NTNG2: variants seen among roughly 807,000 people sequenced by gnomAD.
The protein encoded by NTNG2 is netrin G2.
Under a neutral mutation model 47.6 loss-of-function variants are expected in NTNG2, and 15 were observed. That is an observed-to-expected ratio of 0.32 (90% CI 0.21 to 0.49). NTNG2 has a LOEUF of 0.49. Ranked by LOEUF, NTNG2 falls within the 20% of genes least tolerant of loss-of-function variation. NTNG2 has a pLI of 0.99. For missense variants in NTNG2, 578 were observed against 764.6 expected (o/e 0.76, Z 2.88); for synonymous variants, 307 against 324.6 (o/e 0.95, Z 0.58).
Position 132,198,392 on chromosome 9 carries a change from G to T in NTNG2, c.640G>T (p.Glu214Ter). The T allele has an allele frequency of 6.2e-7, 1 of 1,613,040 alleles. No homozygotes were observed. The highest frequency in any genetic ancestry group is 8.5e-7 in the Non-Finnish European group (1 of 1,179,972). The change falls in exon 3 of 8, where the codon GAG (glutamate) becomes TAG (stop). Residue 214 changes from glutamate (E) to a stop codon, truncating the protein, a stop_gained. Coordinates refer to ENST00000393229, the MANE Select transcript of NTNG2 (RefSeq NM_032536.4). LOFTEE classifies it high-confidence loss of function. ...CAAGAAGGAGAAGCACGTGCGCTTC[G>T]AGGTGCGGGACCGCTTCGCCATCTT... The part of the protein sequence containing the change: ...GSKKEKHVRF[E>*]VRDRFAIFAG...
chr9:132,168,395 G>A (rs1835651621), intron 2 of NTNG2, among the ~76,000 whole-genome samples: 1 of 152,168 alleles, frequency 6.6e-6, no homozygotes, highest in African/African-American at 2.4e-5. Context: ...CTGACCCGGT[G>A]CCCCCACCTC....
chr9:132,203,097 C>A (rs1838908479), intron 3 of NTNG2, among the ~76,000 whole-genome samples: 2 of 152,072 alleles, frequency 1.3e-5, no homozygotes, highest in African/African-American at 4.8e-5. Context: ...CCTGCACCCA[C>A]CCCAGGTACT....
Position 132,242,120 on chromosome 9 carries a change from C to A in NTNG2, c.*9C>A. ...CCCGCCTGGGCCGCTGAGCCCCGCC[C>A]GGAGGACGCTCCCCGCACCCGGAGG... On this transcript the variant is annotated 3_prime_UTR_variant, in exon 8 of 8. Coordinates refer to ENST00000393229, the MANE Select transcript of NTNG2 (RefSeq NM_032536.4). The surrounding 1 kb of genome is among the most constrained non-coding windows in gnomAD (Gnocchi z 5.9). 1 of 1,117,060 alleles carries A rather than the reference C, an allele frequency of 9.0e-7. No individual in the cohort carries two copies. Among genetic ancestry groups the A allele is most frequent in the Non-Finnish European group, 1.1e-6 (1 of 914,432 alleles). The allele number at this position is 1,117,060 out of a possible 1,614,324, so 69.2% of individuals were successfully genotyped here.
intron 2 of NTNG2, among the ~76,000 whole-genome samples, chr9:132,190,933 A>C (rs1013622338): frequency 6.6e-6 from 1 of 151,996 alleles, no homozygotes; most frequent in African/African-American, 2.4e-5. Flanking sequence ...TGACTTGCCT[A>C]TGTGTGTCCA....
chr9:132,199,355 T>A (rs1029257308), intron 3 of NTNG2, among the ~76,000 whole-genome samples: 1 of 152,188 alleles, frequency 6.6e-6, no homozygotes, highest in Non-Finnish European at 1.5e-5. Context: ...TTCACAGTTA[T>A]GGTTTATTAC....
chr9:132,239,664 C>T (rs1034957669), intron 6 of NTNG2, among the ~76,000 whole-genome samples: 1 of 152,236 alleles, frequency 6.6e-6, no homozygotes, highest in African/African-American at 2.4e-5. Context: ...TCCATAGCTC[C>T]TTTCCAGAAA....
intron 5 of NTNG2, among the ~76,000 whole-genome samples, chr9:132,237,735 A>G (rs528777848): frequency 6.6e-6 from 1 of 152,236 alleles, no homozygotes; most frequent in Non-Finnish European, 1.5e-5. Flanking sequence ...CAACTTGGGC[A>G]CAGTGGGCAG....
chr9:132,189,206 A>G (rs1164715296), intron 2 of NTNG2, among the ~76,000 whole-genome samples: 1 of 150,360 alleles, frequency 6.7e-6, no homozygotes, highest in Non-Finnish European at 1.5e-5. Flanking sequence ...CCACCCAAGT[A>G]GCTGGGACCA....
intron 6 of NTNG2, among the ~76,000 whole-genome samples, chr9:132,240,444 C>A (rs984963868): frequency 6.6e-6 from 1 of 152,274 alleles, no homozygotes; most frequent in African/African-American, 2.4e-5. Flanking sequence ...AGGCAACCAA[C>A]TGGGCCCACC....
chr9:132,188,872 A>G (rs970623380), intron 2 of NTNG2, among the ~76,000 whole-genome samples: 1 of 152,156 alleles, frequency 6.6e-6, no homozygotes, highest in African/African-American at 2.4e-5. Flanking sequence ...GAGTGGGGAC[A>G]GGATCAGATG....
intron 2 of NTNG2, among the ~76,000 whole-genome samples, chr9:132,186,487 G>A (rs1031109099): frequency 2.0e-5 from 3 of 152,198 alleles, no homozygotes; most frequent in African/African-American, 7.2e-5. Flanking sequence ...CTGGTGGTTC[G>A]GCTGACGGAG....
At chr9:132,219,597 GAAA>G in intron 3 of NTNG2, among the ~76,000 whole-genome samples, 2 of 148,650 alleles carry the variant, frequency 1.3e-5, no homozygotes, top group Admixed American at 6.7e-5. Flanking sequence ...AAGAAAGAAA[GAAA>G]GAAAGAAATT....
At chr9:132,223,857 C>G (rs1283607606) in intron 3 of NTNG2, among the ~76,000 whole-genome samples, 6 of 152,204 alleles carry the variant, frequency 3.9e-5, no homozygotes, top group Admixed American at 1.3e-4. Flanking sequence ...ACACGCCTAA[C>G]CAGTCAAAGG....
At chr9:132,189,094 T>TTTTTTTTTTTTTTTTTG (rs1204845571) in intron 2 of NTNG2, among the ~76,000 whole-genome samples, 5 of 139,530 alleles carry the variant, frequency 3.6e-5, no homozygotes, top group East Asian at 2.2e-4. Flanking sequence ...TTTTTTTTTT[T>TTTTTTTTTTTTTTTTTG]TAGACAGGGT....
chr9:132,219,963 G>C (rs1005736784), intron 3 of NTNG2, among the ~76,000 whole-genome samples: 1 of 152,188 alleles, frequency 6.6e-6, no homozygotes, highest in Non-Finnish European at 1.5e-5. Flanking sequence ...CACCAGCAGC[G>C]TATGAGGGTT....
Position 132,231,490 on chromosome 9 carries a change from C to T in NTNG2, c.1054+895C>T, listed in dbSNP as rs1841221776. 1 of 360,464 alleles carries T rather than the reference C, an allele frequency of 2.8e-6. No individual in the cohort carries two copies. Among genetic ancestry groups the T allele is most frequent in the Non-Finnish European group, 5.5e-6 (1 of 182,554 alleles). 22.3% of individuals were successfully genotyped at this position (360,464 alleles called of 1,614,324 possible). On this transcript the variant is annotated intron_variant, in intron 5 of 7. Coordinates refer to ENST00000393229, the MANE Select transcript of NTNG2 (RefSeq NM_032536.4). The surrounding 1 kb of genome is among the most constrained non-coding windows in gnomAD (Gnocchi z 4.1). ...TTGTCCCTCCCGGACCCAGGGGGCC[C>T]CTGGCTGGGAAGCCAGTGAGCCGAG...
At chr9:132,181,882 G>C (rs940887462) in intron 2 of NTNG2, among the ~76,000 whole-genome samples, 14 of 152,246 alleles carry the variant, frequency 9.2e-5, no homozygotes, top group Admixed American at 9.2e-4. Context: ...CGGCATCCAG[G>C]TTCCTAAACA....
intron 3 of NTNG2, among the ~76,000 whole-genome samples, chr9:132,204,401 C>T (rs1015753695): frequency 2.0e-5 from 3 of 152,100 alleles, no homozygotes; most frequent in African/African-American, 7.2e-5. Flanking sequence ...GATGGACGGA[C>T]ACCGGACTAG....
chr9:132,209,484 G>A (rs980656702), intron 3 of NTNG2, among the ~76,000 whole-genome samples: 1 of 152,222 alleles, frequency 6.6e-6, no homozygotes, highest in African/African-American at 2.4e-5. Flanking sequence ...GCAGCCCTGA[G>A]ATCAGAGACA....
Sources: gnomAD v4.1 joint callset for allele counts (sites outside exome capture counted in the v4.1 genomes callset) on GRCh38, gnomAD v4.1.1 for gene constraint, Gnocchi (gnomAD v3.1) non-coding constraint, MANE v1.5 for transcripts, NCBI Gene and HGNC (gene_info 2026-07-23, HGNC 2026-07-21) for gene names.